The following MYH11 variants were observed in gnomAD, a reference collection of about 807,000 sequenced individuals.
MYH11 encodes myosin-11.
MYH11 carries 80 observed loss-of-function variants against 246.6 expected under a neutral mutation model. That is an observed-to-expected ratio of 0.32 (90% CI 0.27 to 0.39). MYH11 has a LOEUF of 0.39. Ranked by LOEUF, MYH11 falls within the 10% of genes least tolerant of loss-of-function variation. MYH11 has a pLI of 1.00. For missense variants in MYH11, 2,158 were observed against 2,546.8 expected, an observed-to-expected ratio of 0.85 and a Z score of 3.29; for synonymous variants, 1,071 against 1,015.5, an observed-to-expected ratio of 1.05 and a Z score of -1.04.
At chr16:15,789,444 G>C (rs11861577) in intron 4 of MYH11, among the ~76,000 whole-genome samples, 66 of 152,286 alleles carry the variant, frequency 4.3e-4, no homozygotes, top group Admixed American at 9.8e-4. Context: ...GAGGTTTGAA[G>C]TAAATTGCTC....
intron 16 of MYH11, chr16:15,749,892 A>C (rs1220056214): frequency 3.3e-6 from 2 of 602,624 alleles, no homozygotes; most frequent in South Asian, 2.0e-5. Flanking sequence ...ACTTCCTGGG[A>C]TAATGAATGA....
At chr16:15,744,393 CCATCTTGGCCAGGAT>C (rs2041359809) in intron 20 of MYH11, among the ~76,000 whole-genome samples, 1 of 152,004 alleles carries the variant, frequency 6.6e-6, no homozygotes, top group East Asian at 1.9e-4. Flanking sequence ...CAGGGTTTCA[CCATCTTGGCCAGGAT>C]GGTCTTGATT....
chr16:15,708,904 A>G (rs1021701944), intron 40 of MYH11: 16 of 1,462,664 alleles, frequency 1.1e-5, no homozygotes, highest in Non-Finnish European at 1.5e-5. Context: ...CCGGTTAAGT[A>G]TATTCTTAAT....
rs528600821 is a variant in MYH11 at position 15,727,157 on chromosome 16, A to G, written c.3652-103T>C. ...CTCAGAGAGGTCCAGGAAGGCACAC[A>G]ACAGGGGGCACACAATCACCAGTAA... On this transcript the variant is annotated intron_variant, in intron 27 of 40. Transcript: ENST00000300036. 2.3e-5 allele frequency: 22 copies of G among 973,076 alleles called. No homozygotes were observed. The East Asian group carries it at 4.3e-4, about 19-fold the overall frequency. 60.3% of individuals were successfully genotyped at this position (973,076 alleles called of 1,614,324 possible).
At chr16:15,809,092 A>G (rs1269509685) in intron 3 of MYH11, among the ~76,000 whole-genome samples, 1 of 152,032 alleles carries the variant, frequency 6.6e-6, no homozygotes, top group African/African-American at 2.4e-5. Context: ...CTTCCAAGGA[A>G]GCCTCCCCTG....
chr16:15,754,125 G>A lies in MYH11; in HGVS notation c.1750-617C>T, dbSNP rs1169753466. On this transcript the variant is annotated intron_variant, in intron 14 of 40. Coordinates refer to ENST00000300036, the MANE Select transcript of MYH11 (RefSeq NM_002474.3). ...CCAGCTACTCGGGAGGCTGAGGCAGGAGAATCGCTTCAGCCTGGGAGGCGG... is the reference window on the plus strand; with the variant it reads ...CCAGCTACTCGGGAGGCTGAGGCAGAAGAATCGCTTCAGCCTGGGAGGCGG... 2.6e-5 allele frequency among the ~76,000 whole-genome samples: 4 copies of A among 152,252 alleles called. No individual in the cohort carries two copies. In the East Asian group the frequency reaches 7.7e-4, roughly 29 times the overall value.
chr16:15,824,286 T>C (rs2043500602), intron 2 of MYH11, among the ~76,000 whole-genome samples: 1 of 151,998 alleles, frequency 6.6e-6, no homozygotes, highest in Non-Finnish European at 1.5e-5. Context: ...GTTTACTTTT[T>C]TTTTTTTTTG....
Position 15,775,966 on chromosome 16 carries a change from G to C in MYH11, c.889+112C>G, listed in dbSNP as rs1012356294. On this transcript the variant is annotated intron_variant, in intron 8 of 40. Transcript: ENST00000300036. Reference sequence around the variant, plus strand: ...CTGTTCATATGTCACTCACAGACATGGTCCTTTCTGGCAGGATCTGAGACT... The same window carrying C: ...CTGTTCATATGTCACTCACAGACATCGTCCTTTCTGGCAGGATCTGAGACT... 3.1e-5 allele frequency: 26 copies of C among 826,020 alleles called. No homozygotes were observed. In the African/African-American group the frequency reaches 4.2e-4, roughly 13 times the overall value. 51.2% of individuals were successfully genotyped at this position (826,020 alleles called of 1,614,324 possible). A position where few individuals can be genotyped will look rare whatever the true frequency, so the allele number is the denominator to read the frequency against.
At position 15,823,247 on chromosome 16, in the gene MYH11, T is replaced by C; in HGVS notation, c.502+8A>G. Reference sequence around the variant, plus strand: ...GAGCTGGCCCCGTGCAGCCCTGAGTTCACTCACCTTGAAGCATGCTCCGGT... The same window carrying C: ...GAGCTGGCCCCGTGCAGCCCTGAGTCCACTCACCTTGAAGCATGCTCCGGT... On this transcript the variant is annotated splice_region_variant and intron_variant, in intron 3 of 40. Coordinates refer to ENST00000300036, the MANE Select transcript of MYH11 (RefSeq NM_002474.3). The C allele has an allele frequency of 6.2e-7, 1 of 1,614,086 alleles. No homozygotes were observed. Among genetic ancestry groups the C allele is most frequent in the African/African-American group, 1.3e-5 (1 of 75,054 alleles).
chr16:15,776,186 A>C lies in MYH11; in HGVS notation c.791-10T>G, dbSNP rs896206957. 3 of 1,594,124 alleles carry C rather than the reference A, an allele frequency of 1.9e-6. No homozygotes were observed. The highest frequency in any genetic ancestry group is 2.7e-5 in the African/African-American group (2 of 74,508). Reference sequence around the variant, plus strand: ...GATTTTTCTAGCAGATCTGGTTTGGAGGGAGTTAGGGATTCTGGGGATACT... The same window carrying C: ...GATTTTTCTAGCAGATCTGGTTTGGCGGGAGTTAGGGATTCTGGGGATACT... On this transcript the variant is annotated splice_polypyrimidine_tract_variant and intron_variant, in intron 7 of 40. Transcript: ENST00000300036.
intron 40 of MYH11, among the ~76,000 whole-genome samples, chr16:15,707,059 AAT>A (rs373349958): frequency 6.6e-5 from 10 of 152,036 alleles, no homozygotes; most frequent in African/African-American, 1.2e-4. Flanking sequence ...TTTTTTTTGA[AAT>A]AGAGTCTCGC....
At chr16:15,796,449 GA>G (rs2042744725) in intron 4 of MYH11, among the ~76,000 whole-genome samples, 1 of 152,162 alleles carries the variant, frequency 6.6e-6, no homozygotes, top group African/African-American at 2.4e-5. Flanking sequence ...GAAGCCATCT[GA>G]AAGTCCTACT....
chr16:15,823,712 C>T (rs2043479895), intron 2 of MYH11, among the ~76,000 whole-genome samples: 1 of 152,008 alleles, frequency 6.6e-6, no homozygotes, highest in African/African-American at 2.4e-5. Flanking sequence ...GAAACCTTGA[C>T]CTTTCTGGAC....
At chr16:15,761,081 G>A (rs1364884238) in intron 10 of MYH11, among the ~76,000 whole-genome samples, 1 of 152,114 alleles carries the variant, frequency 6.6e-6, no homozygotes, top group Non-Finnish European at 1.5e-5. Flanking sequence ...CCCTGAGATA[G>A]ATAGATTTAT....
chr16:15,738,549 T>C lies in MYH11; in HGVS notation c.3121+16A>G. 1.9e-6 allele frequency: 3 copies of C among 1,603,770 alleles called. No homozygotes were observed. Among genetic ancestry groups the C allele is most frequent in the East Asian group, 2.2e-5 (1 of 44,628 alleles). On this transcript the variant is annotated intron_variant, in intron 24 of 40. Transcript: ENST00000300036. ...ATAAAATAAAATAAAAATAAATCTC[T>C]TGGTAGCTGGTTTACCTTCCAGTTC... is the stretch of plus-strand genomic sequence containing the variant.
At chr16:15,708,423 G>T (rs150687675) in intron 40 of MYH11, among the ~76,000 whole-genome samples, 139 of 152,324 alleles carry the variant, frequency 9.1e-4, no homozygotes, top group African/African-American at 3.2e-3. Flanking sequence ...GTCTTCACTG[G>T]ACAAGGGAGG....
At chr16:15,779,333 G>T in intron 6 of MYH11, 1 of 252,230 alleles carries the variant, frequency 4.0e-6, no homozygotes, top group South Asian at 5.1e-5. Context: ...GTAGAGATAG[G>T]ATCTCACTGT....
intron 4 of MYH11, among the ~76,000 whole-genome samples, chr16:15,789,582 G>GAAA (rs1406765136): frequency 6.6e-6 from 1 of 152,114 alleles, no homozygotes; most frequent in African/African-American, 2.4e-5. Context: ...AATCAGCAAA[G>GAAA]AGAAAAGACA....
intron 1 of MYH11, among the ~76,000 whole-genome samples, chr16:15,843,620 G>A (rs2044112619): frequency 6.6e-6 from 1 of 151,508 alleles, no homozygotes; most frequent in Admixed American, 6.6e-5. Flanking sequence ...GTGAACCTGG[G>A]AGGCGGAGCT....
Sources: allele counts gnomAD v4.1 joint callset (sites outside exome capture counted in the v4.1 genomes callset), GRCh38; gene constraint gnomAD v4.1.1; transcripts MANE v1.5; gene names NCBI Gene and HGNC (gene_info 2026-07-23, HGNC 2026-07-21).